The following DAB1 variants were observed in gnomAD, a reference collection of about 807,000 sequenced individuals.
DAB1 encodes disabled homolog 1.
Under a neutral mutation model 64.6 loss-of-function variants are expected in DAB1, and 15 were observed. The ratio of observed to expected loss-of-function variants is 0.23; its 90% confidence interval spans 0.16 to 0.36. DAB1 has a LOEUF of 0.36. DAB1 is among the 10% of genes least tolerant of loss of function. DAB1 has a pLI of 1.00. For missense variants in DAB1, 596 were observed against 706.7 expected (o/e 0.84, Z 1.78); for synonymous variants, 235 against 251.9 (o/e 0.93, Z 0.64).
chr1:57,431,245 T>C (rs986868140), intron 7 of DAB1, among the ~76,000 whole-genome samples: 8 of 150,766 alleles, frequency 5.3e-5, no homozygotes, highest in African/African-American at 1.7e-4. Flanking sequence ...TAGAGAAGCA[T>C]GCATGAACAA....
chr1:58,158,006 G>A (rs1165079718), intron 4 of DAB1, among the ~76,000 whole-genome samples: 2 of 152,268 alleles, frequency 1.3e-5, no homozygotes, highest in African/African-American at 2.4e-5. Flanking sequence ...ATTAAGGAAA[G>A]TTACTTAGGG....
At chr1:57,792,825 A>G (rs1650668309) in intron 6 of DAB1, among the ~76,000 whole-genome samples, 1 of 152,210 alleles carries the variant, frequency 6.6e-6, no homozygotes, top group South Asian at 2.1e-4. Context: ...AGCTCAATAC[A>G]TATTTTTAAG....
intron 3 of DAB1, among the ~76,000 whole-genome samples, chr1:58,454,552 T>A (rs2100300130): frequency 6.6e-6 from 1 of 152,132 alleles, no homozygotes; most frequent in South Asian, 2.1e-4. Context: ...TGCAGGGGCG[T>A]GTCTGTGAAG....
At chr1:57,411,133 T>C (rs907648861) in intron 1 of DAB1, among the ~76,000 whole-genome samples, 1 of 152,148 alleles carries the variant, frequency 6.6e-6, no homozygotes, top group Non-Finnish European at 1.5e-5. Context: ...CTCTCTCCCA[T>C]TTTTTTACAG....
At position 58,510,191 on chromosome 1, in the gene DAB1, G is replaced by A. The variant is rs533299717; in HGVS notation, n.108-3982C>T. ...CAAAGACACTACAAAAAAAAATTAC[G>A]GGCCAATATCCCTGATGAACATAAA... On this transcript the variant is annotated intron_variant and non_coding_transcript_variant, in intron 2 of 20. Transcript: ENST00000485760. Among the ~76,000 whole-genome samples, 34 of 151,864 alleles carry A rather than the reference G, an allele frequency of 2.2e-4. 1 individual carries two copies. The highest frequency in any genetic ancestry group is 1.3e-3 in the Admixed American group (20 of 15,240).
chr1:57,781,433 A>G (rs1401432283), intron 6 of DAB1, among the ~76,000 whole-genome samples: 1 of 151,916 alleles, frequency 6.6e-6, no homozygotes, highest in African/African-American at 2.4e-5. Context: ...CAAACCTGAC[A>G]ACAGCTATTA....
At chr1:58,248,485 A>G (rs1660654244) in intron 4 of DAB1, among the ~76,000 whole-genome samples, 1 of 152,106 alleles carries the variant, frequency 6.6e-6, no homozygotes, top group Non-Finnish European at 1.5e-5. Context: ...GAAAACCTAG[A>G]CCTAGGACCT....
intron 7 of DAB1, among the ~76,000 whole-genome samples, chr1:57,522,340 C>A (rs1357858386): frequency 1.3e-5 from 2 of 152,110 alleles, no homozygotes; most frequent in African/African-American, 4.8e-5. Flanking sequence ...TCCAGAAACC[C>A]TAAACTTGCA....
chr1:57,227,148 A>G (rs1569966316), intron 2 of DAB1, among the ~76,000 whole-genome samples: 1 of 152,134 alleles, frequency 6.6e-6, no homozygotes, highest in African/African-American at 2.4e-5. Context: ...GCACTCCAGC[A>G]TGGGTGACAG....
chr1:58,058,800 T>C (rs1430678229), intron 5 of DAB1, among the ~76,000 whole-genome samples: 2 of 152,250 alleles, frequency 1.3e-5, no homozygotes, highest in Non-Finnish European at 2.9e-5. Context: ...GTTCATGCTA[T>C]GAAATCCTGG....
chr1:57,151,318 T>C (rs1557817636), intron 2 of DAB1, among the ~76,000 whole-genome samples: 1 of 152,324 alleles, frequency 6.6e-6, no homozygotes, highest in East Asian at 1.9e-4. Context: ...GTCTACTATA[T>C]ACGTGTTCTA....
intron 5 of DAB1, among the ~76,000 whole-genome samples, chr1:57,989,272 C>T (rs149622284): frequency 1.3e-5 from 2 of 152,240 alleles, no homozygotes; most frequent in East Asian, 1.9e-4. Context: ...AGCCCCCACA[C>T]CCTGGTGATA....
At chr1:57,542,943 A>G (rs1036170416) in intron 7 of DAB1, among the ~76,000 whole-genome samples, 3 of 152,156 alleles carry the variant, frequency 2.0e-5, no homozygotes, top group Admixed American at 2.0e-4. Context: ...GGGGGAAGCC[A>G]GCTGCCATGT....
At chr1:57,528,846 G>A (rs963175782) in intron 7 of DAB1, among the ~76,000 whole-genome samples, 2 of 152,028 alleles carry the variant, frequency 1.3e-5, no homozygotes, top group African/African-American at 4.8e-5. Flanking sequence ...ATAAAGGAAA[G>A]TAACTAAATA....
rs902454464 is a variant in DAB1 at position 57,958,066 on chromosome 1, C to T, written n.388-73904G>A. ...GTAGCATGATCTCAGCTCACTTCAA[C>T]CTCTGCCTCCCAGGCTCAAGTGATT... On this transcript the variant is annotated intron_variant and non_coding_transcript_variant, in intron 5 of 20. Coordinates refer to the DAB1 transcript ENST00000485760. Among the ~76,000 whole-genome samples the T allele has an allele frequency of 2.0e-5, 3 of 151,860 alleles. 1 individual carries two copies. Among genetic ancestry groups the T allele is most frequent in the Non-Finnish European group, 4.4e-5 (3 of 67,988 alleles).
At chr1:57,595,262 C>A (rs1306055907) in intron 7 of DAB1, among the ~76,000 whole-genome samples, 1 of 150,458 alleles carries the variant, frequency 6.6e-6, no homozygotes, top group African/African-American at 2.4e-5. Flanking sequence ...TTTTTAGATT[C>A]TAGATTTTTT....
chr1:58,283,373 A>G (rs1385801468), intron 4 of DAB1, among the ~76,000 whole-genome samples: 1 of 152,126 alleles, frequency 6.6e-6, no homozygotes, highest in African/African-American at 2.4e-5. Context: ...TAAAATGTAG[A>G]TGCTACTCTG....
intron 6 of DAB1, among the ~76,000 whole-genome samples, chr1:57,709,744 G>A (rs1224029220): frequency 6.6e-6 from 1 of 152,226 alleles, no homozygotes; most frequent in South Asian, 2.1e-4. Context: ...CATTTGCATA[G>A]CATGTGAAAA....
chr1:57,234,251 C>T (rs1471476709), intron 2 of DAB1, among the ~76,000 whole-genome samples: 1 of 152,062 alleles, frequency 6.6e-6, no homozygotes, highest in African/African-American at 2.4e-5. Context: ...GAATTTGAAT[C>T]ATAAAGATTA....
Sources: allele counts gnomAD v4.1 joint callset (sites outside exome capture counted in the v4.1 genomes callset), GRCh38; gene constraint gnomAD v4.1.1; transcripts MANE v1.5; gene names NCBI Gene and HGNC (gene_info 2026-07-23, HGNC 2026-07-21).